The following ZC3H12B variants were observed in gnomAD, a reference collection of about 807,000 sequenced individuals.
ZC3H12B encodes probable ribonuclease ZC3H12B.
A neutral mutation model predicts 43.9 loss-of-function variants in ZC3H12B; 7 were observed. The observed-to-expected ratio is 0.16, with a 90% confidence interval of 0.09 to 0.30. The LOEUF (loss-of-function observed/expected upper bound fraction) is 0.30, where lower values mean the gene tolerates loss of function less well. Among genes scored for constraint, ZC3H12B ranks in the 10% least tolerant of loss-of-function variants. The probability of loss-of-function intolerance (pLI) is 1.00; values close to 1 mark genes in which losing one functional copy is unlikely to be tolerated. For missense variants in ZC3H12B, 475 were observed against 670.2 expected (o/e 0.71, Z 3.22); for synonymous variants, 222 against 241.7 (o/e 0.92, Z 0.76).
At chrX:65,227,908 A>C in the ZC3H12B span, among the ~76,000 whole-genome samples, 2 of 111,893 alleles carry the variant, frequency 1.8e-5, no homozygotes, top group Non-Finnish European at 3.8e-5. Context: ...ACCAACAAAA[A>C]AGAGACCAGG....
At chrX:65,079,565 G>T in the ZC3H12B span, among the ~76,000 whole-genome samples, 2 of 112,488 alleles carry the variant, frequency 1.8e-5, no homozygotes, top group African/African-American at 6.5e-5. Flanking sequence ...AAAGGGAAAA[G>T]AACAAGTATT....
At chrX:65,274,324 C>G in the ZC3H12B span, among the ~76,000 whole-genome samples, 1 of 111,062 alleles carries the variant, frequency 9.0e-6, no homozygotes, top group Admixed American at 9.6e-5. Context: ...GTGAGCTAAG[C>G]TGCAGCAGCT....
chrX:65,240,698 G>C, the ZC3H12B span, among the ~76,000 whole-genome samples: 1 of 112,311 alleles, frequency 8.9e-6, no homozygotes, highest in Non-Finnish European at 1.9e-5. Context: ...TTTCATCCTT[G>C]TAGGCTTATT....
intron 3 of ZC3H12B, among the ~76,000 whole-genome samples, chrX:65,414,869 G>T (rs747712805): frequency 2.7e-5 from 3 of 112,231 alleles, no homozygotes; most frequent in Non-Finnish European, 5.6e-5. Flanking sequence ...CATACATAAT[G>T]ATTTGTTGAC....
the ZC3H12B span, among the ~76,000 whole-genome samples, chrX:65,250,932 T>G: frequency 1.3e-4 from 14 of 111,877 alleles, no homozygotes; most frequent in African/African-American, 3.6e-4. Context: ...GCAGAAGCTC[T>G]TTAGTTTAAT....
chrX:65,306,167 G>A, the ZC3H12B span, among the ~76,000 whole-genome samples: 1 of 111,793 alleles, frequency 8.9e-6, no homozygotes, highest in East Asian at 2.8e-4. Flanking sequence ...TTGCAAATCC[G>A]TCAATAGAAA....
chrX:65,190,314 T>G, the ZC3H12B span, among the ~76,000 whole-genome samples: 702 of 110,124 alleles, frequency 6.4e-3, 4 homozygotes, highest in Non-Finnish European at 9.4e-3. Context: ...CTTTAAAGTA[T>G]TTTTTTCTAA....
chrX:65,231,835 C>T, the ZC3H12B span, among the ~76,000 whole-genome samples: 3 of 111,545 alleles, frequency 2.7e-5, no homozygotes, highest in Non-Finnish European at 3.8e-5. Context: ...TCATATTGTT[C>T]GAACACACAT....
the ZC3H12B span, among the ~76,000 whole-genome samples, chrX:65,250,598 G>T: frequency 9.0e-6 from 1 of 111,688 alleles, no homozygotes; most frequent in Non-Finnish European, 1.9e-5. Flanking sequence ...TCCAGCACCT[G>T]TTTTTTCCTG....
rs149828573 is a variant in ZC3H12B, at chrX:65,495,997, G to A, written c.609-1135G>A. Reference sequence around the variant, plus strand: ...GCTGGGATTACAGGCCTGAGCCATCGCACCCAGCCAGAAATACTTGATTTT... The same window carrying A: ...GCTGGGATTACAGGCCTGAGCCATCACACCCAGCCAGAAATACTTGATTTT... On this transcript the variant is annotated intron_variant, in intron 1 of 4. Coordinates refer to ENST00000338957, the Ensembl canonical transcript of ZC3H12B. Among the ~76,000 whole-genome samples the A allele has an allele frequency of 3.9e-3, 434 of 111,449 alleles. 7 individuals are homozygous for A. The East Asian group carries it at 0.064, about 16-fold the overall frequency.
intron 3 of ZC3H12B, among the ~76,000 whole-genome samples, chrX:65,476,014 T>A (rs965046220): frequency 4.4e-5 from 5 of 112,376 alleles, no homozygotes; most frequent in African/African-American, 1.3e-4. Flanking sequence ...CCACTACATG[T>A]CAAGATTTTA....
At chrX:65,132,701 G>T in the ZC3H12B span, among the ~76,000 whole-genome samples, 2 of 111,379 alleles carry the variant, frequency 1.8e-5, no homozygotes, top group Non-Finnish European at 3.8e-5. Flanking sequence ...ATCAGAGTTG[G>T]GGAGGTTTAG....
chrX:65,209,645 T>G, the ZC3H12B span, among the ~76,000 whole-genome samples: 1 of 109,860 alleles, frequency 9.1e-6, no homozygotes, highest in Non-Finnish European at 1.9e-5. Context: ...CTGAAAAAAA[T>G]GTATATTCTG....
the ZC3H12B span, among the ~76,000 whole-genome samples, chrX:65,091,031 C>A: frequency 9.0e-6 from 1 of 111,297 alleles, no homozygotes; most frequent in Non-Finnish European, 1.9e-5. Flanking sequence ...AATCACATGC[C>A]TCTCTGCTTC....
intron 3 of ZC3H12B, among the ~76,000 whole-genome samples, chrX:65,471,893 G>A (rs1021471856): frequency 5.4e-5 from 6 of 111,736 alleles, no homozygotes; most frequent in African/African-American, 1.3e-4. Context: ...TTTCTTCATT[G>A]TGTTATTATT....
At chrX:65,419,970 C>T (rs764192829) in intron 3 of ZC3H12B, among the ~76,000 whole-genome samples, 1 of 111,311 alleles carries the variant, frequency 9.0e-6, no homozygotes, top group South Asian at 3.8e-4. Flanking sequence ...TGGTACCAGG[C>T]CAGCCCCTAA....
chrX:65,164,298 G>T, the ZC3H12B span, among the ~76,000 whole-genome samples: 2 of 111,381 alleles, frequency 1.8e-5, no homozygotes, highest in East Asian at 2.8e-4. Flanking sequence ...GTGGGTTATA[G>T]AACCAGTTGA....
chrX:65,136,591 C>A, the ZC3H12B span, among the ~76,000 whole-genome samples: 1 of 111,019 alleles, frequency 9.0e-6, no homozygotes, highest in Non-Finnish European at 1.9e-5. Flanking sequence ...CTTCTATGGT[C>A]CTTTGGCTAG....
chrX:65,161,041 G>T, the ZC3H12B span, among the ~76,000 whole-genome samples: 2 of 110,956 alleles, frequency 1.8e-5, no homozygotes, highest in South Asian at 3.8e-4. Flanking sequence ...TCAGGAGCAG[G>T]TTGTTCAGTT....
Sources: gnomAD v4.1 joint callset for allele counts (sites outside exome capture counted in the v4.1 genomes callset) on GRCh38, gnomAD v4.1.1 for gene constraint, MANE v1.5 for transcripts, NCBI Gene and HGNC (gene_info 2026-07-23, HGNC 2026-07-21) for gene names.